Variants in ITGB5 observed in about 807,000 individuals in gnomAD.
ITGB5 encodes integrin beta-5.
A neutral mutation model predicts 84.8 loss-of-function variants in ITGB5; 38 were observed. That is an observed-to-expected ratio of 0.45 (90% CI 0.35 to 0.59). The LOEUF is 0.59. Ranked by LOEUF, ITGB5 falls within the 20% of genes least tolerant of loss-of-function variation. The pLI, the probability that ITGB5 is intolerant of heterozygous loss-of-function variation, is 0.01. For synonymous variants in ITGB5, 393 were observed against 414.4 expected (o/e 0.95, Z 0.63); for missense variants, 905 against 1,034.5 (o/e 0.87, Z 1.72).
chr3:124,780,329 A>G (rs932110105), intron 10 of ITGB5, among the ~76,000 whole-genome samples: 1 of 152,196 alleles, frequency 6.6e-6, no homozygotes, highest in Non-Finnish European at 1.5e-5. Flanking sequence ...GCAGGAAGGA[A>G]GGAGCCAGCT....
In ITGB5 at chr3:124,796,380, A is replaced by T. The variant is rs750286631; in HGVS notation, c.1693+8T>A. 44 of 1,593,866 alleles carry T rather than the reference A, an allele frequency of 2.8e-5. No homozygotes were observed. The highest frequency in any genetic ancestry group is 3.3e-5 in the Non-Finnish European group (38 of 1,166,880). ...CTCAGAGCTAAAGTGCTTGCTGGGGACACTTACCTGAGCAGAGGACTCCCT... is the reference window on the plus strand; with the variant it reads ...CTCAGAGCTAAAGTGCTTGCTGGGGTCACTTACCTGAGCAGAGGACTCCCT... On this transcript the variant is annotated splice_region_variant and intron_variant, in intron 10 of 14. Transcript: ENST00000296181.
At position 124,848,447 on chromosome 3, in the gene ITGB5, C is replaced by A. The variant is rs755220572; in HGVS notation, c.473G>T (p.Arg158Leu). 6.2e-7 allele frequency: 1 copy of A among 1,614,130 alleles called. No individual in the cohort carries two copies. The highest frequency in any genetic ancestry group is 8.5e-7 in the Non-Finnish European group (1 of 1,180,032). ...LSMKDDLDNI[R>L]SLGTKLAEEM... ...CTCCGCGAGTTTGGTGCCCAGGCTCCGGATATTGTCCAAGTCATCCTTCAT... is the reference window on the plus strand; with the variant it reads ...CTCCGCGAGTTTGGTGCCCAGGCTCAGGATATTGTCCAAGTCATCCTTCAT... The change falls in exon 4 of 15, where the codon CGG (arginine) becomes CTG (leucine). Residue 158 changes from arginine (R) to leucine (L), a missense_variant. Arg to Leu is a moderately radical substitution (Grantham distance 102, BLOSUM62 -2). Around this residue, in one of 3 missense-constraint regions of ITGB5, gnomAD observed 656 missense variants for 734.7 expected, o/e 0.89. Transcript: ENST00000296181.
chr3:124,863,670 T>A (rs796741555), intron 2 of ITGB5, among the ~76,000 whole-genome samples: 3 of 152,270 alleles, frequency 2.0e-5, no homozygotes, highest in African/African-American at 7.2e-5. Flanking sequence ...AAGCATGTGC[T>A]ACTATGCCTG....
intron 2 of ITGB5, among the ~76,000 whole-genome samples, chr3:124,868,187 A>T (rs1684481050): frequency 6.6e-6 from 1 of 151,576 alleles, no homozygotes; most frequent in African/African-American, 2.4e-5. Flanking sequence ...AGTCAATTCA[A>T]CCCCTTTCCT....
At chr3:124,855,966 CTTGTTGTTG>C (rs895652176) in intron 3 of ITGB5, among the ~76,000 whole-genome samples, 1 of 151,870 alleles carries the variant, frequency 6.6e-6, no homozygotes, top group African/African-American at 2.4e-5. Context: ...ATTTTGGGTT[CTTGTTGTTG>C]TTGTTGTTTT....
chr3:124,871,809 G>A (rs762002388), intron 2 of ITGB5, among the ~76,000 whole-genome samples: 26 of 151,558 alleles, frequency 1.7e-4, no homozygotes, highest in Non-Finnish European at 2.8e-4. Context: ...CTGGGTGACA[G>A]AGCAAGATCC....
intron 10 of ITGB5, among the ~76,000 whole-genome samples, chr3:124,787,924 T>C (rs1367566049): frequency 6.6e-6 from 1 of 151,794 alleles, no homozygotes; most frequent in Non-Finnish European, 1.5e-5. Flanking sequence ...TTTTTTTTTT[T>C]TGAGATAGGG....
At chr3:124,898,436 G>T (rs1247844505) in intron 1 of ITGB5, among the ~76,000 whole-genome samples, 2 of 150,928 alleles carry the variant, frequency 1.3e-5, no homozygotes, top group Non-Finnish European at 3.0e-5. Flanking sequence ...GACGTCAGGA[G>T]ATCGAGACCA....
intron 11 of ITGB5, chr3:124,769,391 A>C: frequency 2.7e-6 from 1 of 372,142 alleles, no homozygotes; most frequent in Non-Finnish European, 4.9e-6. Context: ...ATCCATCTGC[A>C]CTCTGGTCCA....
intron 3 of ITGB5, among the ~76,000 whole-genome samples, chr3:124,855,579 T>C (rs2065212598): frequency 6.6e-6 from 1 of 152,250 alleles, no homozygotes; most frequent in Non-Finnish European, 1.5e-5. Flanking sequence ...ACAATGCTTG[T>C]AGGTCTTAGG....
At chr3:124,890,553 C>T (rs1371379729), upstream of ITGB5, among the ~76,000 whole-genome samples, 1 of 152,114 alleles carries the variant, frequency 6.6e-6, no homozygotes, top group African/African-American at 2.4e-5. Context: ...TGCGTGTCAC[C>T]TTCCTTCTTC....
At chr3:124,871,494 G>A (rs1015588353) in intron 2 of ITGB5, among the ~76,000 whole-genome samples, 2 of 152,044 alleles carry the variant, frequency 1.3e-5, no homozygotes, top group Admixed American at 6.6e-5. Flanking sequence ...GCGCCTGGCC[G>A]AATTGATTCT....
chr3:124,773,819 C>A lies in ITGB5; in HGVS notation c.1787G>T (p.Gly596Val). ...CTCGCTGCAGATCTGGCCATCTCTG[C>A]CCCGGCATGTGCTGATGTCTGTCGA... ...NCSTDISTCR[G>V]RDGQICSERG... The change falls in exon 11 of 15, where the codon GGC becomes GTC. Residue 596 changes from glycine (G) to valine (V), a missense_variant. Transcript: ENST00000296181. 6.2e-7 allele frequency: 1 copy of A among 1,614,086 alleles called. No homozygotes were observed. The highest frequency in any genetic ancestry group is 8.5e-7 in the Non-Finnish European group (1 of 1,180,040).
At chr3:124,779,525 T>C (rs752759649) in intron 10 of ITGB5, among the ~76,000 whole-genome samples, 17 of 152,078 alleles carry the variant, frequency 1.1e-4, no homozygotes, top group Non-Finnish European at 2.2e-4. Flanking sequence ...CTGTTCACCA[T>C]GAAACATGGG....
intron 1 of ITGB5, among the ~76,000 whole-genome samples, chr3:124,876,832 T>A (rs1934342911): frequency 2.0e-5 from 3 of 152,146 alleles, no homozygotes. Flanking sequence ...CAGGGCCAAA[T>A]GTGGACGAAG....
intron 2 of ITGB5, among the ~76,000 whole-genome samples, chr3:124,870,248 G>C (rs1250294412): frequency 6.6e-6 from 1 of 152,166 alleles, no homozygotes; most frequent in Non-Finnish European, 1.5e-5. Context: ...TTGGTAACAG[G>C]CATGAAAACA....
intron 8 of ITGB5, among the ~76,000 whole-genome samples, chr3:124,815,191 C>T (rs1180270943): frequency 2.6e-5 from 4 of 152,242 alleles, no homozygotes; most frequent in Admixed American, 6.5e-5. Context: ...AGCACAGACA[C>T]GCAGAACCCA....
At chr3:124,878,214 A>C (rs1394948127) in intron 1 of ITGB5, among the ~76,000 whole-genome samples, 1 of 152,162 alleles carries the variant, frequency 6.6e-6, no homozygotes, top group Admixed American at 6.5e-5. Context: ...GAGCTCTGGG[A>C]ACTTGGGCTG....
In ITGB5 at chr3:124,762,760, A is replaced by T. The variant is rs1199714884; in HGVS notation, c.*863T>A. ...GTCAGTAAAAGCTGGAAGGGGCCAA[A>T]GGTATCTGCTCAGTGTTCCCCCTTG... On this transcript the variant is annotated 3_prime_UTR_variant, in exon 15 of 15. Transcript: ENST00000296181. The T allele has an allele frequency of 6.8e-6, 1 of 146,214 alleles. No individual in the cohort carries two copies. Among genetic ancestry groups the T allele is most frequent in the African/African-American group, 2.5e-5 (1 of 40,060 alleles). The allele number at this position is 146,214 out of a possible 1,614,324, so 9.1% of individuals were successfully genotyped here.
Sources: gnomAD v4.1 joint callset for allele counts (sites outside exome capture counted in the v4.1 genomes callset) on GRCh38, gnomAD v4.1.1 for gene constraint, gnomAD v4.1.1 regional missense constraint, MANE v1.5 for transcripts, NCBI Gene and HGNC (gene_info 2026-07-23, HGNC 2026-07-21) for gene names.